The following BTD variants were observed in gnomAD, a reference collection of about 807,000 sequenced individuals.
BTD encodes the protein biocytinase.
A neutral mutation model predicts 17.7 loss-of-function variants in BTD; 13 were observed. That is an observed-to-expected ratio of 0.74 (90% CI 0.48 to 1.17). The LOEUF (loss-of-function observed/expected upper bound fraction) is 1.17, where lower values mean the gene tolerates loss of function less well. BTD is among the 50% of genes most tolerant of loss of function. The pLI is 0.00. For missense variants in BTD, 674 were observed against 650.4 expected (o/e 1.04, Z -0.39); for synonymous variants, 240 against 245.2 (o/e 0.98, Z 0.20).
intron 3 of BTD, among the ~76,000 whole-genome samples, chr3:15,707,104 C>G (rs1247647231): frequency 6.6e-6 from 1 of 152,148 alleles, no homozygotes; most frequent in East Asian, 1.9e-4. Context: ...ATAAATAATT[C>G]TGTTATATGA....
At position 15,642,090 on chromosome 3, in the gene BTD, G is replaced by A. The variant is rs201408641; in HGVS notation, c.399+33G>A. 1,302 of 1,612,588 alleles carry A rather than the reference G, an allele frequency of 8.1e-4. No homozygotes were observed. The highest frequency in any genetic ancestry group is 1.3e-3 in the Middle Eastern group (8 of 6,062). On this transcript the variant is annotated intron_variant, in intron 3 of 3. Coordinates refer to ENST00000643237, the MANE Select transcript of BTD (RefSeq NM_001370658.1). ...CTGCCTTTTTCCTCAGTAGGCTGAG[G>A]GTACACAGAGGTGATCTAAGTCAGG...
At chr3:15,668,517 G>GA (rs987726486) in intron 3 of BTD, 1 of 152,230 alleles carries the variant, frequency 6.6e-6, no homozygotes, top group Non-Finnish European at 1.5e-5. Flanking sequence ...AAATATTTTA[G>GA]AAAAAATGCT....
intron 3 of BTD, among the ~76,000 whole-genome samples, chr3:15,643,960 C>CATTT (rs1189751639): frequency 2.3e-5 from 3 of 129,972 alleles, no homozygotes; most frequent in African/African-American, 8.2e-5. Flanking sequence ...TTTAAAAACT[C>CATTT]ATTTATTTAA....
chr3:15,623,224 A>C (rs1190612078), intron 1 of BTD, among the ~76,000 whole-genome samples: 1 of 152,252 alleles, frequency 6.6e-6, no homozygotes, highest in Non-Finnish European at 1.5e-5. Context: ...GGGTGGAGAC[A>C]CAGCCAAACC....
chr3:15,710,011 G>A (rs945869059), intron 3 of BTD, among the ~76,000 whole-genome samples: 7 of 149,400 alleles, frequency 4.7e-5, no homozygotes, highest in Non-Finnish European at 1.0e-4. Context: ...TTCTGAGGAG[G>A]CTTTAGGAAA....
chr3:15,602,365 G>A (rs769375821), intron 1 of BTD: 25 of 978,100 alleles, frequency 2.6e-5, no homozygotes, highest in Non-Finnish European at 3.1e-5. Flanking sequence ...ATTACTCTCC[G>A]CTAATATCTT....
chr3:15,606,202 A>AT (rs2064449228), intron 1 of BTD, among the ~76,000 whole-genome samples: 1 of 152,054 alleles, frequency 6.6e-6, no homozygotes, highest in East Asian at 1.9e-4. Context: ...CCCCTGTTGC[A>AT]TTAGAGTCAC....
chr3:15,636,346 CAAAGG>C (rs1183268179), intron 2 of BTD, among the ~76,000 whole-genome samples: 7 of 152,302 alleles, frequency 4.6e-5, no homozygotes, highest in Middle Eastern at 3.4e-3. Context: ...CCCAAACTGA[CAAAGG>C]GAAGGTCAGT....
intron 3 of BTD, among the ~76,000 whole-genome samples, chr3:15,662,605 A>G (rs373587645): frequency 9.9e-5 from 15 of 152,038 alleles, no homozygotes; most frequent in East Asian, 3.9e-4. Context: ...CTTGTCTTAT[A>G]TTGCATTAGC....
At chr3:15,631,363 G>A in intron 1 of BTD, 1 of 1,106,280 alleles carries the variant, frequency 9.0e-7, no homozygotes, top group Non-Finnish European at 1.3e-6. Flanking sequence ...ATTTTTTAAT[G>A]TATGTATCTG....
At position 15,677,964 on chromosome 3, in the gene BTD, A is replaced by C. The variant is rs114910267; in HGVS notation, c.400-32096A>C. The stretch of plus-strand genomic sequence containing the variant: ...AAGATCTAGGACTCACATTCAGGCA[A>C]TCCAACTCCACAGCCAGTGTTCTTA... On this transcript the variant is annotated intron_variant, in intron 3 of 3. Coordinates refer to the BTD transcript ENST00000672141. Among the ~76,000 whole-genome samples the C allele has an allele frequency of 5.8e-3, 887 of 152,234 alleles. 6 individuals carry two copies. The highest frequency in any genetic ancestry group is 0.02 in the African/African-American group (846 of 41,560).
chr3:15,616,957 C>T (rs1286304529), intron 1 of BTD, among the ~76,000 whole-genome samples: 6 of 152,050 alleles, frequency 3.9e-5, no homozygotes, highest in African/African-American at 1.2e-4. Context: ...CTCAGCCTCC[C>T]GAGTAGCTGG....
intron 1 of BTD, among the ~76,000 whole-genome samples, chr3:15,606,034 C>CATGCTCA (rs375240065): frequency 7.5e-6 from 1 of 134,082 alleles, no homozygotes; most frequent in African/African-American, 3.0e-5. Context: ...CAGAGCGAGA[C>CATGCTCA]CCTGTCTCAA....
At chr3:15,694,858 G>A (rs761395531) in intron 3 of BTD, 33 of 1,558,322 alleles carry the variant, frequency 2.1e-5, no homozygotes, top group Non-Finnish European at 2.9e-5. Context: ...ACATACTACA[G>A]CAATTATTCT....
At chr3:15,601,561 T>G (rs757711833), upstream of BTD, 4 of 1,602,250 alleles carry the variant, frequency 2.5e-6, no homozygotes, top group Non-Finnish European at 3.4e-6. Context: ...CCTCTGGTAC[T>G]GCACCTCTGA....
intron 3 of BTD, among the ~76,000 whole-genome samples, chr3:15,672,799 G>A (rs1434773335): frequency 6.6e-6 from 1 of 151,896 alleles, no homozygotes; most frequent in African/African-American, 2.4e-5. Flanking sequence ...TTTTTGAGAC[G>A]AAGTCTGGCT....
chr3:15,603,424 G>C (rs183063691), intron 1 of BTD, among the ~76,000 whole-genome samples: 3 of 152,174 alleles, frequency 2.0e-5, no homozygotes, highest in Admixed American at 6.5e-5. Context: ...TTGGGAGGCC[G>C]AGGCGGGCGG....
downstream of BTD, among the ~76,000 whole-genome samples, chr3:15,713,155 C>T (rs149793751): frequency 6.6e-6 from 1 of 152,002 alleles, no homozygotes; most frequent in East Asian, 1.9e-4. Flanking sequence ...ACAGCACAGC[C>T]TGAAAAGTAT....
chr3:15,683,626 C>G (rs1190770445), intron 3 of BTD: 2 of 152,088 alleles, frequency 1.3e-5, no homozygotes, highest in Non-Finnish European at 2.9e-5. Context: ...GAAGGATAAC[C>G]AACAGTATAA....
Sources: gnomAD v4.1 joint callset for allele counts (sites outside exome capture counted in the v4.1 genomes callset) on GRCh38, gnomAD v4.1.1 for gene constraint, MANE v1.5 for transcripts, NCBI Gene and HGNC (gene_info 2026-07-23, HGNC 2026-07-21) for gene names.